The following CLASP2 variants were observed in gnomAD, a reference collection of about 807,000 sequenced individuals.
The protein encoded by CLASP2 is CLIP-associating protein 2.
CLASP2 carries 47 observed loss-of-function variants against 194.4 expected under a neutral mutation model. The observed-to-expected ratio is 0.24, with a 90% CI of 0.19 to 0.31. CLASP2 has a LOEUF of 0.31. Among genes scored for constraint, CLASP2 ranks in the 10% least tolerant of loss-of-function variants. CLASP2 has a pLI of 1.00. For synonymous variants in CLASP2, 619 were observed against 633.5 expected, an observed-to-expected ratio of 0.98 and a Z score of 0.34; for missense variants, 1,445 against 1,823.6, an observed-to-expected ratio of 0.79 and a Z score of 3.78.
At chr3:33,686,547 C>T (rs1017413002) in intron 5 of CLASP2, among the ~76,000 whole-genome samples, 6 of 152,154 alleles carry the variant, frequency 3.9e-5, no homozygotes, top group African/African-American at 1.2e-4. Context: ...CATCCCAAAA[C>T]CATCCCTACC....
chr3:33,576,417 G>A, intron 23 of CLASP2, 142 bp from the exon 24 acceptor site: 1 of 577,612 alleles, frequency 1.7e-6, no homozygotes, highest in Middle Eastern at 4.5e-4. Flanking sequence ...GTATTTTCTG[G>A]GCACATTTAG....
chr3:33,717,878 T>C lies in CLASP2; in HGVS notation c.125A>G (p.Glu42Gly). 1.3e-6 allele frequency: 2 copies of C among 1,561,288 alleles called. No individual in the cohort carries two copies. The highest frequency in any genetic ancestry group is 1.7e-6 in the Non-Finnish European group (2 of 1,153,370). ...LGAPGAISDL[E>G]EDLGRLGKTV... ...CTTGCCTAGGCGGCCCAGGTCCTCC[T>C]CCAGGTCCGAGATGGCGCCGGGGGC... Residue 42 changes from glutamate to glycine, a missense_variant, in exon 1 of 39, where the codon GAG (glutamate) becomes GGG (glycine). This residue lies in a region of CLASP2 where 332 missense variants were observed against 325.3 expected (regional missense o/e 1.02). Coordinates refer to ENST00000682230, the MANE Select transcript of CLASP2 (RefSeq NM_001365631.1).
chr3:33,693,081 A>C (rs1204809009), intron 2 of CLASP2, among the ~76,000 whole-genome samples: 1 of 152,138 alleles, frequency 6.6e-6, no homozygotes, highest in Non-Finnish European at 1.5e-5. Flanking sequence ...GGTGATCAAT[A>C]TTAAATGTAA....
At chr3:33,638,664 G>A (rs764173185) in intron 8 of CLASP2, among the ~76,000 whole-genome samples, 1 of 152,112 alleles carries the variant, frequency 6.6e-6, no homozygotes, top group Non-Finnish European at 1.5e-5. Context: ...GAAATGATCA[G>A]TTGATGAAAA....
chr3:33,602,443 T>TA (rs1168426321), intron 18 of CLASP2: 2 of 692,846 alleles, frequency 2.9e-6, no homozygotes, highest in Non-Finnish European at 5.2e-6. Flanking sequence ...GAAGAAGAGA[T>TA]ACGCAAACCA....
intron 7 of CLASP2, among the ~76,000 whole-genome samples, chr3:33,660,224 C>A (rs112436832): frequency 0.025 from 3,850 of 152,264 alleles, 145 homozygotes; most frequent in African/African-American, 0.087. Context: ...ACGACACCAG[C>A]GCCTGCCATA....
intron 7 of CLASP2, 63 bp downstream of exon 7, chr3:33,663,382 A>G: frequency 1.6e-6 from 2 of 1,275,268 alleles, no homozygotes; most frequent in South Asian, 1.3e-5. Flanking sequence ...TATATAATAC[A>G]TTTTAGTGCC....
chr3:33,566,758 G>C (rs1248078974), intron 26 of CLASP2, 24 bp from the exon 27 acceptor site: 2 of 436,536 alleles, frequency 4.6e-6, no homozygotes, highest in Non-Finnish European at 9.1e-6. Context: ...CAACACAGGG[G>C]ACAGCATGCA....
At chr3:33,573,562 T>C (rs1284611872) in intron 24 of CLASP2, 28 of 619,254 alleles carry the variant, frequency 4.5e-5, no homozygotes, top group South Asian at 4.2e-4. Flanking sequence ...TCCTTAACTA[T>C]GGGAAGTGGT....
chr3:33,710,973 T>G (rs1436993160), intron 1 of CLASP2, among the ~76,000 whole-genome samples: 1 of 152,104 alleles, frequency 6.6e-6, no homozygotes. Context: ...CTCAGTGAAG[T>G]CGGAAGCAAT....
At chr3:33,633,756 T>A (rs946889536) in intron 8 of CLASP2, among the ~76,000 whole-genome samples, 2 of 152,146 alleles carry the variant, frequency 1.3e-5, no homozygotes, top group African/African-American at 2.4e-5. Flanking sequence ...TACAAGAGTT[T>A]AAATTTTTTA....
chr3:33,509,219 T>C (rs2049084008), intron 37 of CLASP2, among the ~76,000 whole-genome samples: 1 of 152,244 alleles, frequency 6.6e-6, no homozygotes, highest in Non-Finnish European at 1.5e-5. Context: ...ATCTTATCTA[T>C]CTGATATGTG....
intron 7 of CLASP2, among the ~76,000 whole-genome samples, chr3:33,652,266 C>T (rs1288216087): frequency 6.6e-6 from 1 of 152,166 alleles, no homozygotes; most frequent in Non-Finnish European, 1.5e-5. Context: ...AAACAATGAA[C>T]AACAAGACTT....
chr3:33,567,137 T>C (rs1269371797), intron 26 of CLASP2, among the ~76,000 whole-genome samples: 3 of 152,224 alleles, frequency 2.0e-5, no homozygotes, highest in African/African-American at 2.4e-5. Context: ...AATTTTTTCC[T>C]TTCTTTTCTC....
At chr3:33,713,012 CAAAAAAAAAAAAAA>C (rs57940200) in intron 1 of CLASP2, among the ~76,000 whole-genome samples, 3 of 47,004 alleles carry the variant, frequency 6.4e-5, no homozygotes, top group Non-Finnish European at 8.4e-5. Context: ...AACTCCACCT[CAAAAAAAAAAAAAA>C]AAAAAAAAAA....
intron 16 of CLASP2, among the ~76,000 whole-genome samples, chr3:33,605,402 TACA>T (rs751037919): frequency 9.2e-5 from 14 of 152,322 alleles, no homozygotes; most frequent in East Asian, 1.9e-4. Flanking sequence ...TCATTATTCC[TACA>T]ACAATTATTT....
intron 29 of CLASP2, among the ~76,000 whole-genome samples, chr3:33,552,116 ATTTTT>A (rs760891395): frequency 1.5e-5 from 2 of 135,238 alleles, no homozygotes; most frequent in African/African-American, 2.7e-5. Flanking sequence ...TGGGTTTATA[ATTTTT>A]TTTTTTTTTT....
intron 18 of CLASP2, 171 bp downstream of exon 18, chr3:33,602,781 A>T: frequency 1.4e-6 from 1 of 732,234 alleles, no homozygotes; most frequent in Non-Finnish European, 2.4e-6. Flanking sequence ...AAAAGGAGAA[A>T]CAAGGCAGCT....
chr3:33,498,728 A>G lies in CLASP2; in HGVS notation c.4435-11T>C. 3 of 1,595,926 alleles carry G rather than the reference A, an allele frequency of 1.9e-6. No homozygotes were observed. The highest frequency in any genetic ancestry group is 2.6e-6 in the Non-Finnish European group (3 of 1,163,924). On this transcript the variant is annotated splice_polypyrimidine_tract_variant and intron_variant, in intron 38 of 38. Coordinates refer to ENST00000682230, the MANE Select transcript of CLASP2 (RefSeq NM_001365631.1). The stretch of plus-strand genomic sequence containing the variant: ...ATTCAGTAGCTTCATCTGCAGATTC[A>G]AGCCAAATAAATGTCATTTGAGCAA...
Sources: allele counts gnomAD v4.1 joint callset (sites outside exome capture counted in the v4.1 genomes callset), GRCh38; gene constraint gnomAD v4.1.1; regional missense constraint gnomAD v4.1.1; transcripts MANE v1.5; gene names NCBI Gene and HGNC (gene_info 2026-07-23, HGNC 2026-07-21).